Variants in SLC25A48 observed in about 807,000 individuals in gnomAD.
The protein encoded by SLC25A48 is CTC-321K16.1.
Under a neutral mutation model 32.2 loss-of-function variants are expected in SLC25A48, and 29 were observed. The ratio of observed to expected loss-of-function variants is 0.90; its 90% CI spans 0.67 to 1.23. SLC25A48 has a LOEUF of 1.23. SLC25A48 is among the 50% of genes most tolerant of loss of function. The probability of loss-of-function intolerance (pLI) is 0.00; values close to 1 mark genes in which losing one functional copy is unlikely to be tolerated. For missense variants in SLC25A48, 399 were observed against 422.7 expected (o/e 0.94, Z 0.49); for synonymous variants, 164 against 172.3 (o/e 0.95, Z 0.38).
chr5:135,609,446 A>G (rs1361620586), intron 1 of SLC25A48: 1 of 152,254 alleles, frequency 6.6e-6, no homozygotes, highest in African/African-American at 2.4e-5. Flanking sequence ...AATAGTATGA[A>G]GAAAACATAC....
intron 3 of SLC25A48, among the ~76,000 whole-genome samples, chr5:135,677,227 C>A (rs1300180780): frequency 6.6e-6 from 1 of 151,896 alleles, no homozygotes; most frequent in Admixed American, 6.6e-5. Flanking sequence ...TTGACTTAAA[C>A]CTGTTTTATC....
chr5:135,783,673 G>A (rs1465920801), intron 3 of SLC25A48, among the ~76,000 whole-genome samples: 2 of 117,830 alleles, frequency 1.7e-5, no homozygotes, highest in Non-Finnish European at 4.2e-5. Context: ...AAAAAGAGAG[G>A]CAGATATTAC....
chr5:135,872,844 G>A (rs1761766792), intron 5 of SLC25A48: 1 of 152,374 alleles, frequency 6.6e-6, no homozygotes, highest in Non-Finnish European at 1.5e-5. Flanking sequence ...TCAGCTCATA[G>A]CAGACATATA....
At chr5:135,631,184 C>T (rs1379973368) in intron 2 of SLC25A48, among the ~76,000 whole-genome samples, 1 of 152,146 alleles carries the variant, frequency 6.6e-6, no homozygotes, top group African/African-American at 2.4e-5. Context: ...GCGTGGGGTT[C>T]TCCAGGTAGC....
intron 3 of SLC25A48, among the ~76,000 whole-genome samples, chr5:135,765,362 G>C (rs1011476750): frequency 6.6e-6 from 1 of 151,518 alleles, no homozygotes; most frequent in African/African-American, 2.4e-5. Flanking sequence ...GGGGAAAAAA[G>C]GGTGATACTA....
In SLC25A48 at chr5:135,834,836, C is replaced by T; in HGVS notation, c.-12C>T. 6.3e-7 allele frequency: 1 copy of T among 1,591,972 alleles called. No homozygotes were observed. The highest frequency in any genetic ancestry group is 8.5e-7 in the Non-Finnish European group (1 of 1,169,902). The stretch of plus-strand genomic sequence containing the variant: ...TGCCCCGGCTCCGGGAGGGCGAGAC[C>T]GAGCGCCGGCCATGGGAAGCTTCCA... On this transcript the variant is annotated 5_prime_UTR_variant, in exon 1 of 8. Coordinates refer to ENST00000681962, the MANE Select transcript of SLC25A48 (RefSeq NM_001349336.2).
At chr5:135,818,666 A>G (rs1365952555) in intron 4 of SLC25A48, among the ~76,000 whole-genome samples, 1 of 152,336 alleles carries the variant, frequency 6.6e-6, no homozygotes. Flanking sequence ...GATATTCAAA[A>G]TGTCTAGGAC....
intron 3 of SLC25A48, among the ~76,000 whole-genome samples, chr5:135,639,063 T>A (rs1157952325): frequency 4.6e-5 from 7 of 152,262 alleles, no homozygotes; most frequent in African/African-American, 1.7e-4. Context: ...ATAGCCACGC[T>A]GTCTGATTAA....
intron 3 of SLC25A48, among the ~76,000 whole-genome samples, chr5:135,696,132 G>A (rs1439404322): frequency 6.6e-6 from 1 of 152,210 alleles, no homozygotes; most frequent in Non-Finnish European, 1.5e-5. Flanking sequence ...GAAAGTGCCT[G>A]GCTCAAGCTC....
chr5:135,762,922 GTA>G (rs1756098650), intron 3 of SLC25A48, among the ~76,000 whole-genome samples: 1 of 152,066 alleles, frequency 6.6e-6, no homozygotes, highest in South Asian at 2.1e-4. Context: ...GTGTGGCTGA[GTA>G]TGGGTGTGAG....
At chr5:135,829,277 C>T (rs1318756584) in intron 4 of SLC25A48, among the ~76,000 whole-genome samples, 1 of 152,212 alleles carries the variant, frequency 6.6e-6, no homozygotes, top group Non-Finnish European at 1.5e-5. Flanking sequence ...GCAGCAGGGT[C>T]TCCTCCTACA....
chr5:135,756,449 G>A (rs1165180920), intron 3 of SLC25A48, among the ~76,000 whole-genome samples: 1 of 152,046 alleles, frequency 6.6e-6, no homozygotes, highest in African/African-American at 2.4e-5. Context: ...CAAGGTGGGT[G>A]GATCACCTGG....
intron 3 of SLC25A48, among the ~76,000 whole-genome samples, chr5:135,773,456 C>T (rs116495906): frequency 9.2e-5 from 14 of 151,454 alleles, no homozygotes; most frequent in Non-Finnish European, 1.6e-4. Flanking sequence ...TGTACACCCT[C>T]CTGTGATATT....
chr5:135,769,748 G>T (rs1051396113), intron 3 of SLC25A48, among the ~76,000 whole-genome samples: 2 of 151,512 alleles, frequency 1.3e-5, no homozygotes, highest in African/African-American at 4.9e-5. Context: ...ATCGCAGGAC[G>T]TGTACACCCT....
rs1231360556 is a variant in SLC25A48, at chr5:135,782,567, G to A, written c.-520-29956G>A. ...ATATTACTTTTAATATGGTAGGGAGGGTGGTTAACCCACCCTGTGAGAGTG... is the reference window on the plus strand; with the variant it reads ...ATATTACTTTTAATATGGTAGGGAGAGTGGTTAACCCACCCTGTGAGAGTG... On this transcript the variant is annotated intron_variant, in intron 3 of 10. Coordinates refer to the SLC25A48 transcript ENST00000646290. Among the ~76,000 whole-genome samples, 2 of 116,566 alleles carry A rather than the reference G, an allele frequency of 1.7e-5. 1 individual carries two copies. Among genetic ancestry groups the A allele is most frequent in the African/African-American group, 5.2e-5 (2 of 38,356 alleles). 76.5% of individuals were successfully genotyped at this position (116,566 alleles called of 152,430 possible).
chr5:135,779,989 A>G (rs12187551), intron 3 of SLC25A48, among the ~76,000 whole-genome samples: 57,814 of 113,144 alleles, frequency 0.51, 21,990 homozygotes, highest in Middle Eastern at 0.69. Context: ...CCAATACCCC[A>G]TAATATTGTT....
chr5:135,820,383 G>A (rs191739669), intron 4 of SLC25A48, among the ~76,000 whole-genome samples: 2 of 152,316 alleles, frequency 1.3e-5, no homozygotes, highest in East Asian at 1.9e-4. Flanking sequence ...CACATCAGTG[G>A]TTGCTTGGAG....
At chr5:135,762,831 T>A (rs1561480692) in intron 3 of SLC25A48, among the ~76,000 whole-genome samples, 1 of 151,732 alleles carries the variant, frequency 6.6e-6, no homozygotes, top group African/African-American at 2.4e-5. Context: ...TGTGGATGTG[T>A]GAGTTTGTAA....
Position 135,720,747 on chromosome 5 carries a change from A to C in SLC25A48, c.-521+85791A>C, listed in dbSNP as rs893889787. On this transcript the variant is annotated intron_variant, in intron 3 of 10. Coordinates refer to the SLC25A48 transcript ENST00000646290. Reference sequence around the variant, plus strand: ...AAAAGGGAAGAGAGGAACATAAGCCAGGCCTGGAAACCACTGAACAAAAAT... The same window carrying C: ...AAAAGGGAAGAGAGGAACATAAGCCCGGCCTGGAAACCACTGAACAAAAAT... 7.9e-5 allele frequency among the ~76,000 whole-genome samples: 12 copies of C among 152,314 alleles called. 1 individual carries two copies. The highest frequency in any genetic ancestry group is 7.8e-4 in the Admixed American group (12 of 15,292).
Sources: allele counts gnomAD v4.1 joint callset (sites outside exome capture counted in the v4.1 genomes callset), GRCh38; gene constraint gnomAD v4.1.1; transcripts MANE v1.5; gene names NCBI Gene and HGNC (gene_info 2026-07-23, HGNC 2026-07-21).